PPEF2: variants seen among roughly 807,000 people sequenced by gnomAD.
PPEF2 encodes the protein protein phosphatase with EF-hand domain 2.
Under a neutral mutation model 84.7 loss-of-function variants are expected in PPEF2, and 84 were observed. The observed-to-expected ratio is 0.99, with a 90% CI of 0.83 to 1.19. The LOEUF (loss-of-function observed/expected upper bound fraction) is 1.19. Ranked by LOEUF, PPEF2 falls within the 50% of genes most tolerant of loss-of-function variation. The pLI is 0.00. For synonymous variants in PPEF2, 346 were observed against 345.2 expected, an observed-to-expected ratio of 1.00 and a Z score of -0.03; for missense variants, 924 against 937.5, an observed-to-expected ratio of 0.99 and a Z score of 0.19.
chr4:75,866,500 G>A, intron 14 of PPEF2, 148 bp from the exon 15 acceptor site: 1 of 1,004,008 alleles, frequency 1.0e-6, no homozygotes, highest in Non-Finnish European at 1.5e-6. Flanking sequence ...GATAGTAGCA[G>A]AGTTGGCTGG....
At chr4:75,881,243 A>G (rs13144210) in intron 10 of PPEF2, 142,030 of 151,146 alleles carry the variant, frequency 0.94, 67,226 homozygotes, top group East Asian at 1. Flanking sequence ...GGGATTACAG[A>G]TGTGCACCAC....
intron 11 of PPEF2, among the ~76,000 whole-genome samples, chr4:75,875,874 G>T (rs1266179658): frequency 6.6e-6 from 1 of 152,154 alleles, no homozygotes; most frequent in African/African-American, 2.4e-5. Context: ...GCAGCTAGGG[G>T]TGGCCATGTG....
chr4:75,881,131 G>A (rs368581798), intron 10 of PPEF2, among the ~76,000 whole-genome samples: 22 of 132,774 alleles, frequency 1.7e-4, no homozygotes, highest in Non-Finnish European at 3.3e-4. Flanking sequence ...ATGGAGTCTC[G>A]CTGTGTGGCT....
intron 13 of PPEF2, among the ~76,000 whole-genome samples, chr4:75,867,724 G>T (rs148809545): frequency 1.3e-5 from 2 of 152,238 alleles, no homozygotes; most frequent in African/African-American, 4.8e-5. Flanking sequence ...GATTAAAATG[G>T]TACCTGTCTC....
At chr4:75,880,818 T>TG (rs1553907902) in intron 10 of PPEF2, among the ~76,000 whole-genome samples, 9 of 134,026 alleles carry the variant, frequency 6.7e-5, no homozygotes, top group Non-Finnish European at 6.7e-5. Context: ...TTTTTTTTTT[T>TG]GAGACAGAGT....
chr4:75,886,271 T>C (rs929615227), intron 7 of PPEF2, among the ~76,000 whole-genome samples: 4 of 152,238 alleles, frequency 2.6e-5, no homozygotes, highest in African/African-American at 9.6e-5. Context: ...CCCAATGGCC[T>C]GGGATAGCCA....
chr4:75,869,735 G>C (rs1393832513), intron 13 of PPEF2, among the ~76,000 whole-genome samples: 1 of 152,128 alleles, frequency 6.6e-6, no homozygotes, highest in African/African-American at 2.4e-5. Flanking sequence ...GTAGTACCAG[G>C]TGTGAGGTAG....
chr4:75,887,148 G>A (rs1016805362), intron 6 of PPEF2, among the ~76,000 whole-genome samples: 5 of 152,170 alleles, frequency 3.3e-5, no homozygotes, highest in Non-Finnish European at 7.3e-5. Flanking sequence ...AAGCAAAGAT[G>A]CGATAGAATA....
chr4:75,861,238 T>C (rs1723992454), intron 16 of PPEF2, among the ~76,000 whole-genome samples: 1 of 152,088 alleles, frequency 6.6e-6, no homozygotes, highest in African/African-American at 2.4e-5. Context: ...CCAAACATCT[T>C]ATAATGCACA....
At chr4:75,888,625 G>A (rs1378911515) in intron 5 of PPEF2, among the ~76,000 whole-genome samples, 1 of 152,156 alleles carries the variant, frequency 6.6e-6, no homozygotes, top group African/African-American at 2.4e-5. Flanking sequence ...GATTGTTTCA[G>A]TAAAGTATGA....
At chr4:75,870,307 A>T (rs1458339915) in intron 13 of PPEF2, among the ~76,000 whole-genome samples, 1 of 152,186 alleles carries the variant, frequency 6.6e-6, no homozygotes, top group African/African-American at 2.4e-5. Flanking sequence ...ATAAAGCTCC[A>T]AGATGATTTT....
chr4:75,876,558 T>G lies in PPEF2; in HGVS notation c.1049A>C (p.Glu350Ala). The G allele has an allele frequency of 6.2e-7, 1 of 1,614,084 alleles. No homozygotes were observed. The highest frequency in any genetic ancestry group is 1.1e-5 in the South Asian group (1 of 91,052). Residue 350 changes from glutamate (E) to alanine (A), a missense_variant, in exon 11 of 17, where the codon GAA becomes GCA. Coordinates refer to ENST00000286719, the MANE Select transcript of PPEF2 (RefSeq NM_006239.3). ...GGGCGAAGAGGGAAGAGAGCGGCTTTCGGGGAGAAACCATGGGATGGGTCC... is the reference window on the plus strand; with the variant it reads ...GGGCGAAGAGGGAAGAGAGCGGCTTGCGGGGAGAAACCATGGGATGGGTCC... ...AQGPIPWFLPESRSLPSSPLR... is the reference protein window; with the variant it reads ...AQGPIPWFLPASRSLPSSPLR...
At chr4:75,879,108 G>A (rs1490231729) in intron 10 of PPEF2, among the ~76,000 whole-genome samples, 2 of 152,150 alleles carry the variant, frequency 1.3e-5, no homozygotes, top group Non-Finnish European at 2.9e-5. Context: ...ACTGTAGACT[G>A]ATGTCCCACA....
At position 75,872,131 on chromosome 4, in the gene PPEF2, C is replaced by A; in HGVS notation, c.1543G>T (p.Val515Phe). 1 of 1,613,980 alleles carries A rather than the reference C, an allele frequency of 6.2e-7. No individual in the cohort carries two copies. The highest frequency in any genetic ancestry group is 8.5e-7 in the Non-Finnish European group (1 of 1,179,944). The change falls in exon 13 of 17, where the codon GTT becomes TTT. Residue 515 changes from valine (V) to phenylalanine (F), a missense_variant. By Grantham distance (50) the Val-to-Phe change is conservative. Transcript: ENST00000286719. ...ACATAGGCCCCTCTGTTGCTGCCAA[C>A]TTCATAGTAGTTGGAGGCAGAAAAG... is the stretch of plus-strand genomic sequence containing the variant. ...TIFSASNYYEVGSNRGAYVKL... is the reference protein window; with the variant it reads ...TIFSASNYYEFGSNRGAYVKL...
In PPEF2 at chr4:75,888,276, A is replaced by C. The variant is rs1465147429; in HGVS notation, c.470T>G (p.Leu157Arg). Residue 157 changes from leucine (L) to arginine (R), a missense_variant, in exon 6 of 17, where the codon CTG (leucine) becomes CGG (arginine). Coordinates refer to ENST00000286719, the MANE Select transcript of PPEF2 (RefSeq NM_006239.3). ...LNLLYETKKHLVQLPNINRVS... is the reference protein window; with the variant it reads ...LNLLYETKKHRVQLPNINRVS... ...CCGGTTGATGTTTGGCAGCTGTACC[A>C]GATGTTTCTTGGTTTCATACAAAAG... 1.9e-6 allele frequency: 3 copies of C among 1,613,940 alleles called. No homozygotes were observed. Among genetic ancestry groups the C allele is most frequent in the Non-Finnish European group, 2.5e-6 (3 of 1,179,974 alleles).
At chr4:75,887,026 G>A (rs1408881144) in intron 6 of PPEF2, 128 bp from the exon 7 acceptor site, 8 of 488,760 alleles carry the variant, frequency 1.6e-5, no homozygotes, top group Non-Finnish European at 2.6e-5. Context: ...CCATATGTAA[G>A]ATAAGGATAA....
At chr4:75,865,030 G>A (rs997477491) in intron 15 of PPEF2, among the ~76,000 whole-genome samples, 26 of 152,020 alleles carry the variant, frequency 1.7e-4, no homozygotes, top group African/African-American at 5.8e-4. Flanking sequence ...TCCGCCTCCC[G>A]GGTTCAAGCG....
chr4:75,876,822 A>C, intron 10 of PPEF2, 149 bp from the exon 11 acceptor site: 4 of 783,938 alleles, frequency 5.1e-6, no homozygotes, highest in Non-Finnish European at 5.6e-6. Context: ...CTTGAGCAAC[A>C]TGGCAAGACC....
intron 5 of PPEF2, among the ~76,000 whole-genome samples, chr4:75,889,707 A>G (rs766370136): frequency 6.6e-6 from 1 of 152,230 alleles, no homozygotes; most frequent in Non-Finnish European, 1.5e-5. Flanking sequence ...GGCACACAGC[A>G]GTGCTCAGTA....
Sources: gnomAD v4.1 joint callset for allele counts (sites outside exome capture counted in the v4.1 genomes callset) on GRCh38, gnomAD v4.1.1 for gene constraint, MANE v1.5 for transcripts, NCBI Gene and HGNC (gene_info 2026-07-23, HGNC 2026-07-21) for gene names.